Variants in SRGAP1 observed in about 807,000 individuals in gnomAD.
SRGAP1 encodes the protein SLIT-ROBO Rho GTPase-activating protein 1.
A neutral mutation model predicts 121.9 loss-of-function variants in SRGAP1; 43 were observed. The ratio of observed to expected loss-of-function variants is 0.35; its 90% CI spans 0.28 to 0.46. The LOEUF (loss-of-function observed/expected upper bound fraction) is 0.46. Ranked by LOEUF, SRGAP1 falls within the 20% of genes least tolerant of loss-of-function variation. The probability of loss-of-function intolerance (pLI) is 1.00; values close to 1 mark genes in which losing one functional copy is unlikely to be tolerated. For missense variants in SRGAP1, 1,102 were observed against 1,350.9 expected, an observed-to-expected ratio of 0.82 and a Z score of 2.89; for synonymous variants, 447 against 485.4, an observed-to-expected ratio of 0.92 and a Z score of 1.04.
At chr12:63,891,812 C>T (rs1900590491) in intron 1 of SRGAP1, among the ~76,000 whole-genome samples, 1 of 151,682 alleles carries the variant, frequency 6.6e-6, no homozygotes, top group South Asian at 2.1e-4. Flanking sequence ...CATAGTAAAA[C>T]CCCATCTCTA....
intron 15 of SRGAP1, among the ~76,000 whole-genome samples, chr12:64,097,830 G>A (rs984708951): frequency 3.9e-5 from 6 of 152,200 alleles, no homozygotes; most frequent in Non-Finnish European, 7.3e-5. Flanking sequence ...AGGAACACCA[G>A]GTGGTAATTA....
intron 6 of SRGAP1, among the ~76,000 whole-genome samples, chr12:64,057,982 C>A (rs1220244477): frequency 6.6e-6 from 1 of 152,160 alleles, no homozygotes; most frequent in African/African-American, 2.4e-5. Flanking sequence ...TATGGTAACT[C>A]CTGTTTTAGG....
intron 6 of SRGAP1, among the ~76,000 whole-genome samples, chr12:64,052,066 C>T (rs1224986355): frequency 6.6e-6 from 1 of 152,082 alleles, no homozygotes; most frequent in East Asian, 1.9e-4. Context: ...GATGGTAATA[C>T]AATGAAGAAA....
chr12:64,041,477 C>G (rs1004172201), intron 4 of SRGAP1, among the ~76,000 whole-genome samples: 1 of 151,806 alleles, frequency 6.6e-6, no homozygotes, highest in African/African-American at 2.4e-5. Flanking sequence ...TTCCACCTCC[C>G]GGGCTCAACC....
In SRGAP1 at chr12:63,962,291, G is replaced by A. The variant is rs114737171; in HGVS notation, c.68-21656G>A. On this transcript the variant is annotated intron_variant, in intron 1 of 21. Transcript: ENST00000355086. ...AAGAGTGTCCACTTTTTACAATGTA[G>A]GCTGCTATTTAAATTCTAGTTTAAG... Among the ~76,000 whole-genome samples, 1,060 of 152,162 alleles carry A rather than the reference G, an allele frequency of 7.0e-3. 19 individuals carry two copies. The highest frequency in any genetic ancestry group is 0.024 in the African/African-American group (1,003 of 41,488).
chr12:63,884,966 C>T lies in SRGAP1; in HGVS notation c.67+40083C>T, dbSNP rs576532576. Among the ~76,000 whole-genome samples the T allele has an allele frequency of 4.4e-3, 667 of 152,126 alleles. 1 individual carries two copies. The highest frequency in any genetic ancestry group is 6.8e-3 in the Non-Finnish European group (465 of 68,002). On this transcript the variant is annotated intron_variant, in intron 1 of 21. Transcript: ENST00000355086. ...CGATCTCCTGACCTCGTGATCCGCCCGCCTCGGCCTCCCAAAGTGCTGGGA... is the reference window on the plus strand; with the variant it reads ...CGATCTCCTGACCTCGTGATCCGCCTGCCTCGGCCTCCCAAAGTGCTGGGA...
intron 12 of SRGAP1, among the ~76,000 whole-genome samples, chr12:64,093,925 T>C (rs1372892227): frequency 6.6e-6 from 1 of 152,142 alleles, no homozygotes; most frequent in Non-Finnish European, 1.5e-5. Flanking sequence ...CCCCCACTGC[T>C]TAATTGGAAA....
chr12:63,861,860 G>A (rs905601235), intron 1 of SRGAP1, among the ~76,000 whole-genome samples: 13 of 152,026 alleles, frequency 8.6e-5, no homozygotes, highest in South Asian at 4.2e-4. Flanking sequence ...AGTGGCTCAC[G>A]CCTGTAATCC....
At chr12:63,872,672 T>C (rs1037910548) in intron 1 of SRGAP1, among the ~76,000 whole-genome samples, 1 of 152,244 alleles carries the variant, frequency 6.6e-6, no homozygotes. Context: ...TGAATATCTT[T>C]ATAGATTTAT....
rs1412330867 is a variant in SRGAP1 at position 64,149,257 on chromosome 12, G to A, written c.*6585G>A. ...CTGTTGACCGGAAGGCCTACTCAAA[G>A]GCAAGGATACTTTTCTTTCTTTCCA... is the stretch of plus-strand genomic sequence containing the variant. On this transcript the variant is annotated 3_prime_UTR_variant, in exon 22 of 22. Coordinates refer to ENST00000355086, the MANE Select transcript of SRGAP1 (RefSeq NM_020762.4). 1 of 152,174 alleles carries A rather than the reference G, an allele frequency of 6.6e-6. No individual in the cohort carries two copies. The highest frequency in any genetic ancestry group is 1.5e-5 in the Non-Finnish European group (1 of 68,028). 9.4% of individuals were successfully genotyped at this position (152,174 alleles called of 1,614,324 possible). A position where few individuals can be genotyped will look rare whatever the true frequency, so the allele number is the denominator to read the frequency against.
intron 17 of SRGAP1, 131 bp from the exon 18 acceptor site, chr12:64,115,683 C>T: frequency 3.2e-6 from 2 of 626,876 alleles, no homozygotes; most frequent in South Asian, 1.9e-5. Flanking sequence ...ATCACTTGAG[C>T]CTGGGAGGCA....
intron 1 of SRGAP1, among the ~76,000 whole-genome samples, chr12:63,862,681 A>G (rs1321304472): frequency 2.0e-5 from 3 of 152,204 alleles, no homozygotes; most frequent in Non-Finnish European, 4.4e-5. Flanking sequence ...TTTACCAAGG[A>G]GAAGGAGCAG....
chr12:64,095,039 A>G, intron 13 of SRGAP1, 47 bp downstream of exon 13: 1 of 1,610,514 alleles, frequency 6.2e-7, no homozygotes, highest in Non-Finnish European at 8.5e-7. Context: ...AATCACTTGA[A>G]GTGTTTCAGT....
At chr12:64,131,474 A>G (rs2036783903) in intron 21 of SRGAP1, among the ~76,000 whole-genome samples, 1 of 152,140 alleles carries the variant, frequency 6.6e-6, no homozygotes, top group African/African-American at 2.4e-5. Context: ...GATTCCCTTC[A>G]CCACTGTCCT....
At chr12:63,946,507 C>CTCTTGCTGG (rs567030099) in intron 1 of SRGAP1, among the ~76,000 whole-genome samples, 3 of 151,132 alleles carry the variant, frequency 2.0e-5, no homozygotes, top group South Asian at 4.2e-4. Context: ...GACCTGCTTT[C>CTCTTGCTGG]TCTTGCTGGT....
intron 1 of SRGAP1, among the ~76,000 whole-genome samples, chr12:63,945,077 A>G (rs1352951351): frequency 6.6e-6 from 1 of 152,126 alleles, no homozygotes; most frequent in East Asian, 1.9e-4. Flanking sequence ...CCCAGGAAAC[A>G]AAACAAATAC....
At chr12:64,095,091 G>C (rs768727431) in intron 13 of SRGAP1, 36 bp from the exon 14 acceptor site, 2 of 1,609,312 alleles carry the variant, frequency 1.2e-6, no homozygotes, top group South Asian at 2.2e-5. Flanking sequence ...ACAATGTGAT[G>C]GGGGTTTTAT....
chr12:63,886,438 C>T (rs991084227), intron 1 of SRGAP1, among the ~76,000 whole-genome samples: 3 of 150,344 alleles, frequency 2.0e-5, no homozygotes, highest in Admixed American at 6.6e-5. Flanking sequence ...AGTAAAAACC[C>T]TTTTTTTTAC....
chr12:64,006,338 T>C (rs1278550909), intron 3 of SRGAP1, among the ~76,000 whole-genome samples: 3 of 152,134 alleles, frequency 2.0e-5, no homozygotes, highest in Admixed American at 6.5e-5. Flanking sequence ...GTTTTAAAGA[T>C]GAATTAGGCC....
Sources: gnomAD v4.1 joint callset for allele counts (sites outside exome capture counted in the v4.1 genomes callset) on GRCh38, gnomAD v4.1.1 for gene constraint, MANE v1.5 for transcripts, NCBI Gene and HGNC (gene_info 2026-07-23, HGNC 2026-07-21) for gene names.